Variants in GALNTL6 observed in about 807,000 individuals in gnomAD.
GALNTL6 encodes polypeptide N-acetylgalactosaminyltransferase like 6, also known as polypeptide N-acetylgalactosaminyltransferase-like 6.
GALNTL6 carries 46 observed loss-of-function variants against 73.7 expected under a neutral mutation model. The observed-to-expected ratio is 0.62, with a 90% CI of 0.49 to 0.80. The LOEUF is 0.80. Ranked by LOEUF, GALNTL6 falls within the 30% of genes least tolerant of loss-of-function variation. GALNTL6 has a pLI of 0.00. For missense variants in GALNTL6, 604 were observed against 755.0 expected (o/e 0.80, Z 2.34); for synonymous variants, 259 against 263.7 (o/e 0.98, Z 0.17).
chr4:172,512,632 G>T (rs1343115275), intron 5 of GALNTL6, among the ~76,000 whole-genome samples: 1 of 152,060 alleles, frequency 6.6e-6, no homozygotes, highest in Non-Finnish European at 1.5e-5. Flanking sequence ...TGTAGTGCTG[G>T]CTTGGTAGTG....
intron 2 of GALNTL6, among the ~76,000 whole-genome samples, chr4:172,182,009 G>C (rs11722427): frequency 2.0e-5 from 3 of 151,882 alleles, no homozygotes; most frequent in South Asian, 2.1e-4. Context: ...GAGCCACCGC[G>C]CCCGGCCTTC....
chr4:172,580,736 A>G (rs1056892474), intron 5 of GALNTL6, among the ~76,000 whole-genome samples: 6 of 152,086 alleles, frequency 3.9e-5, no homozygotes, highest in Non-Finnish European at 8.8e-5. Context: ...AAAATACATT[A>G]TTTAACTGTA....
chr4:172,870,012 G>A (rs1162865348), intron 7 of GALNTL6, among the ~76,000 whole-genome samples: 1 of 151,598 alleles, frequency 6.6e-6, no homozygotes, highest in Non-Finnish European at 1.5e-5. Flanking sequence ...ACACACCCTG[G>A]TATTTGCTCT....
intron 5 of GALNTL6, among the ~76,000 whole-genome samples, chr4:172,802,922 G>A (rs1193296263): frequency 6.6e-6 from 1 of 152,240 alleles, no homozygotes; most frequent in African/African-American, 2.4e-5. Flanking sequence ...TCAGACCTTA[G>A]TTATAGATTA....
intron 5 of GALNTL6, among the ~76,000 whole-genome samples, chr4:172,401,188 A>T (rs186282257): frequency 6.6e-6 from 1 of 152,286 alleles, no homozygotes; most frequent in East Asian, 1.9e-4. Flanking sequence ...TATGAAACAT[A>T]CACACACATG....
chr4:172,489,804 T>C (rs1332022332), intron 5 of GALNTL6, among the ~76,000 whole-genome samples: 1 of 152,220 alleles, frequency 6.6e-6, no homozygotes, highest in East Asian at 1.9e-4. Flanking sequence ...ACACTGATTT[T>C]CTGGATGGAA....
rs571544550 is a variant in GALNTL6 at position 171,960,130 on chromosome 4, G to A, written c.138+145412G>A. 7.9e-4 allele frequency among the ~76,000 whole-genome samples: 121 copies of A among 152,288 alleles called. 1 individual carries two copies. The highest frequency in any genetic ancestry group is 2.6e-3 in the African/African-American group (108 of 41,570). On this transcript the variant is annotated intron_variant, in intron 2 of 12. Transcript: ENST00000506823. ...TAGGTGTCTTTCTTCAGCTGTCATAGCTTTCTAATCTATAGCTTCTGTTTA... is the reference window on the plus strand; with the variant it reads ...TAGGTGTCTTTCTTCAGCTGTCATAACTTTCTAATCTATAGCTTCTGTTTA...
chr4:172,301,181 C>T (rs1426200616), intron 3 of GALNTL6, among the ~76,000 whole-genome samples: 4 of 152,172 alleles, frequency 2.6e-5, no homozygotes, highest in Non-Finnish European at 4.4e-5. Context: ...CTTGTGCATT[C>T]GTCACGTAGT....
chr4:171,989,459 T>C (rs1740257079), intron 2 of GALNTL6, among the ~76,000 whole-genome samples: 1 of 152,164 alleles, frequency 6.6e-6, no homozygotes, highest in Non-Finnish European at 1.5e-5. Context: ...CTGTGGGCAT[T>C]CCTTGGCCCA....
At chr4:172,772,168 C>G (rs922768031) in intron 5 of GALNTL6, among the ~76,000 whole-genome samples, 4 of 152,210 alleles carry the variant, frequency 2.6e-5, no homozygotes, top group African/African-American at 9.6e-5. Context: ...CCTACTCCCA[C>G]GATTCAATTG....
rs1742304987 is a variant in GALNTL6 at position 172,359,918 on chromosome 4, C to T, written c.553+11229C>T. ...AAAAGATGCCCTGACATATGACTCTCAGCCCCATGGTAAGCTGACAGGAGT... is the reference window on the plus strand; with the variant it reads ...AAAAGATGCCCTGACATATGACTCTTAGCCCCATGGTAAGCTGACAGGAGT... On this transcript the variant is annotated intron_variant, in intron 5 of 12. Coordinates refer to ENST00000506823, the MANE Select transcript of GALNTL6 (RefSeq NM_001034845.3). 2.0e-5 allele frequency among the ~76,000 whole-genome samples: 3 copies of T among 152,286 alleles called. No homozygotes were observed. In the South Asian group the frequency reaches 6.2e-4, roughly 32 times the overall value.
chr4:172,500,236 C>T (rs1734213547), intron 5 of GALNTL6, among the ~76,000 whole-genome samples: 1 of 152,046 alleles, frequency 6.6e-6, no homozygotes, highest in Non-Finnish European at 1.5e-5. Flanking sequence ...GCCTGAGCAA[C>T]ATAATGAGAC....
chr4:172,100,024 G>A (rs1288111544), intron 2 of GALNTL6, among the ~76,000 whole-genome samples: 1 of 152,002 alleles, frequency 6.6e-6, no homozygotes, highest in Non-Finnish European at 1.5e-5. Flanking sequence ...ACACAAAGGA[G>A]ATACTATATT....
At chr4:172,926,033 A>G (rs1216727926) in intron 8 of GALNTL6, among the ~76,000 whole-genome samples, 1 of 152,220 alleles carries the variant, frequency 6.6e-6, no homozygotes, top group Non-Finnish European at 1.5e-5. Flanking sequence ...GCAAAGTGCT[A>G]CAGACTGAGT....
intron 2 of GALNTL6, among the ~76,000 whole-genome samples, chr4:172,076,358 C>A (rs1304851289): frequency 1.3e-5 from 2 of 152,202 alleles, no homozygotes; most frequent in African/African-American, 4.8e-5. Context: ...CGTACTCTTG[C>A]TTTCATTTCA....
chr4:172,078,006 C>T (rs565592704), intron 2 of GALNTL6, among the ~76,000 whole-genome samples: 115 of 152,260 alleles, frequency 7.6e-4, no homozygotes, highest in African/African-American at 2.5e-3. Flanking sequence ...TCAGAGAGTG[C>T]AAGCCCCAAG....
At chr4:171,979,300 G>A (rs1174198811) in intron 2 of GALNTL6, among the ~76,000 whole-genome samples, 3 of 152,052 alleles carry the variant, frequency 2.0e-5, no homozygotes, top group Non-Finnish European at 4.4e-5. Flanking sequence ...CAAGGCTTTT[G>A]TACAGAAAAC....
chr4:172,501,615 C>G (rs1430461579), intron 5 of GALNTL6, among the ~76,000 whole-genome samples: 1 of 152,048 alleles, frequency 6.6e-6, no homozygotes, highest in Non-Finnish European at 1.5e-5. Flanking sequence ...ATCTAGATCC[C>G]TATTTCATCA....
chr4:172,375,302 C>T (rs1260561732), intron 5 of GALNTL6, among the ~76,000 whole-genome samples: 1 of 152,126 alleles, frequency 6.6e-6, no homozygotes, highest in African/African-American at 2.4e-5. Flanking sequence ...CTTGTACTTC[C>T]CTTAGGTGGC....
Sources: gnomAD v4.1 joint callset for allele counts (sites outside exome capture counted in the v4.1 genomes callset) on GRCh38, gnomAD v4.1.1 for gene constraint, MANE v1.5 for transcripts, NCBI Gene and HGNC (gene_info 2026-07-23, HGNC 2026-07-21) for gene names.